SSBP3: variants seen among roughly 807,000 people sequenced by gnomAD.
SSBP3 encodes the protein single-stranded DNA-binding protein 3.
A neutral mutation model predicts 69.6 loss-of-function variants in SSBP3; 5 were observed. The observed-to-expected ratio is 0.07, with a 90% CI of 0.04 to 0.15. The LOEUF (loss-of-function observed/expected upper bound fraction) is 0.15, where lower values mean the gene tolerates loss of function less well. Among genes scored for constraint, SSBP3 ranks in the 10% least tolerant of loss-of-function variants. SSBP3 has a pLI of 1.00. For missense variants in SSBP3, 312 were observed against 534.0 expected, an observed-to-expected ratio of 0.58 and a Z score of 4.10; for synonymous variants, 196 against 193.4, an observed-to-expected ratio of 1.01 and a Z score of -0.11.
At chr1:54,251,569 G>A (rs548110380) in intron 9 of SSBP3, 47 bp downstream of exon 9, 8 of 1,527,222 alleles carry the variant, frequency 5.2e-6, no homozygotes, top group Non-Finnish European at 7.1e-6. Flanking sequence ...GAAGGCGGGT[G>A]CACACAGATG....
At chr1:54,225,732 A>C (rs1418779423) in exon 18 of SSBP3, 1 of 169,192 alleles carries the variant, frequency 5.9e-6, no homozygotes, top group Non-Finnish European at 1.3e-5. Context: ...GGTGTCTTCC[A>C]GGGCAAGACA....
upstream of SSBP3, among the ~76,000 whole-genome samples, chr1:54,410,587 C>T (rs1283389147): frequency 6.6e-6 from 1 of 152,224 alleles, no homozygotes; most frequent in African/African-American, 2.4e-5. Flanking sequence ...TCAAAACCTT[C>T]GGGCCGGTCA....
intron 5 of SSBP3, among the ~76,000 whole-genome samples, chr1:54,281,165 T>C (rs1446284675): frequency 6.6e-6 from 1 of 152,154 alleles, no homozygotes; most frequent in Non-Finnish European, 1.5e-5. Context: ...AGGGGCAGAC[T>C]GTGTCGCGCC....
upstream of SSBP3, among the ~76,000 whole-genome samples, chr1:54,407,655 T>TA: frequency 6.6e-6 from 1 of 151,860 alleles, no homozygotes; most frequent in Non-Finnish European, 1.5e-5. Context: ...ACTGTCTCTT[T>TA]AAAAGAGTCA....
At chr1:54,404,808 T>TTG in intron 2 of SSBP3, 50 bp downstream of exon 2, 9 of 631,354 alleles carry the variant, frequency 1.4e-5, no homozygotes, top group Non-Finnish European at 2.0e-5. Context: ...CTAAGAATAG[T>TTG]GGGGGGGGGG....
exon 9 of SSBP3, chr1:54,251,669 T>C (rs1236474823): frequency 9.6e-6 from 15 of 1,554,492 alleles, no homozygotes; most frequent in South Asian, 3.6e-5. Context: ...ATTCTCTGCA[T>C]TGATCCTCCC....
intron 4 of SSBP3, among the ~76,000 whole-genome samples, chr1:54,331,384 C>G (rs977107375): frequency 6.6e-6 from 1 of 152,174 alleles, no homozygotes; most frequent in African/African-American, 2.4e-5. Flanking sequence ...TTACATGAAA[C>G]AGGATTAGTT....
At chr1:54,298,283 C>T (rs892875646) in intron 4 of SSBP3, among the ~76,000 whole-genome samples, 7 of 152,162 alleles carry the variant, frequency 4.6e-5, no homozygotes, top group African/African-American at 1.7e-4. Flanking sequence ...CCCCTCTCTG[C>T]ACTACCATGC....
chr1:54,369,201 A>G (rs2100667525), intron 4 of SSBP3, among the ~76,000 whole-genome samples: 1 of 145,214 alleles, frequency 6.9e-6, no homozygotes, highest in South Asian at 2.3e-4. Flanking sequence ...TGCACATGGG[A>G]AAAAGTCCTC....
intron 4 of SSBP3, among the ~76,000 whole-genome samples, chr1:54,292,552 A>C (rs1443412618): frequency 6.6e-6 from 1 of 152,068 alleles, no homozygotes; most frequent in African/African-American, 2.4e-5. Flanking sequence ...GGCCCTGCAC[A>C]AGCCCTCTGA....
chr1:54,282,073 A>ATAAT (rs1553130850), intron 4 of SSBP3, among the ~76,000 whole-genome samples: 3 of 151,214 alleles, frequency 2.0e-5, no homozygotes, highest in South Asian at 2.1e-4. Flanking sequence ...AATAATAATA[A>ATAAT]AAAAATGGGG....
Position 54,227,180 on chromosome 1 carries a change from A to ACGG in SSBP3, c.1138-21_1138-20insCCG. ...AGAATACTGGAAAGGAGAAGCAGAG[A>ACGG]AGGGGGGGGGGTGAGGATTGTGGGG... On this transcript the variant is annotated intron_variant, in intron 17 of 17. Coordinates refer to ENST00000610401, the Ensembl canonical transcript of SSBP3. The ACGG allele has an allele frequency of 2.8e-6, 1 of 354,668 alleles. No individual in the cohort carries two copies. The highest frequency in any genetic ancestry group is 4.6e-6 in the Non-Finnish European group (1 of 217,542). The allele number at this position is 354,668 out of a possible 1,614,324, so 22.0% of individuals were successfully genotyped here.
chr1:54,369,134 C>T (rs1000285217), intron 4 of SSBP3, among the ~76,000 whole-genome samples: 10 of 151,714 alleles, frequency 6.6e-5, no homozygotes, highest in African/African-American at 2.4e-4. Context: ...ACCACTGAAA[C>T]CTATGTCCTG....
At chr1:54,402,744 G>T (rs1181115233) in intron 3 of SSBP3, among the ~76,000 whole-genome samples, 5 of 152,148 alleles carry the variant, frequency 3.3e-5, no homozygotes, top group African/African-American at 1.2e-4. Context: ...CCCCACTAAA[G>T]ATTTTGTATG....
intron 4 of SSBP3, among the ~76,000 whole-genome samples, chr1:54,331,679 C>T (rs1318580037): frequency 6.6e-6 from 1 of 152,216 alleles, no homozygotes; most frequent in Non-Finnish European, 1.5e-5. Flanking sequence ...GCCTGCTGCT[C>T]ACACACTCAC....
intron 4 of SSBP3, among the ~76,000 whole-genome samples, chr1:54,378,154 T>C (rs1647330008): frequency 6.6e-6 from 1 of 152,086 alleles, no homozygotes; most frequent in South Asian, 2.1e-4. Flanking sequence ...GGTGCCAGAG[T>C]TCCCATTTTT....
intron 5 of SSBP3, among the ~76,000 whole-genome samples, chr1:54,259,766 G>A (rs979204641): frequency 6.6e-6 from 1 of 152,204 alleles, no homozygotes; most frequent in African/African-American, 2.4e-5. Context: ...GGGCGCCGCC[G>A]CTGTGAGGCC....
chr1:54,368,207 A>G (rs1015549477), intron 4 of SSBP3, among the ~76,000 whole-genome samples: 6 of 151,806 alleles, frequency 4.0e-5, no homozygotes, highest in Non-Finnish European at 8.8e-5. Context: ...CTGAGGCAGA[A>G]AAATGGCATG....
chr1:54,280,336 G>A (rs1378252417), intron 5 of SSBP3, among the ~76,000 whole-genome samples: 1 of 152,174 alleles, frequency 6.6e-6, no homozygotes, highest in Non-Finnish European at 1.5e-5. Context: ...CATCTCTAGG[G>A]CCAGAGAGCC....
Sources: allele counts gnomAD v4.1 joint callset (sites outside exome capture counted in the v4.1 genomes callset), GRCh38; gene constraint gnomAD v4.1.1; transcripts MANE v1.5; gene names NCBI Gene and HGNC (gene_info 2026-07-23, HGNC 2026-07-21).